The following SEPTIN6 variants were observed in gnomAD, a reference collection of about 807,000 sequenced individuals.
SEPTIN6 encodes the protein septin 6, also known as septin-6.
SEPTIN6 carries 8 observed loss-of-function variants against 33.6 expected under a neutral mutation model. The observed-to-expected ratio is 0.24, with a 90% CI of 0.14 to 0.43. The LOEUF is 0.43. Ranked by LOEUF, SEPTIN6 falls within the 20% of genes least tolerant of loss-of-function variation. The pLI is 1.00. For missense variants in SEPTIN6, 250 were observed against 340.8 expected (o/e 0.73, Z 2.10); for synonymous variants, 131 against 140.0 (o/e 0.94, Z 0.45).
chrX:119,687,202 T>G (rs2055069940), intron 1 of SEPTIN6, among the ~76,000 whole-genome samples: 1 of 109,743 alleles, frequency 9.1e-6, no homozygotes, highest in Non-Finnish European at 1.9e-5. Flanking sequence ...TGGCTTTCCT[T>G]CTTTCCTTCT....
intron 3 of SEPTIN6, among the ~76,000 whole-genome samples, chrX:119,660,809 CG>C (rs1465211751): frequency 1.0e-4 from 10 of 98,682 alleles, no homozygotes; most frequent in African/African-American, 3.6e-4. Context: ...CGGGGGTGAG[CG>C]GGGGGGATCA....
intron 4 of SEPTIN6, among the ~76,000 whole-genome samples, chrX:119,651,723 A>G (rs999191856): frequency 8.9e-6 from 1 of 112,414 alleles, no homozygotes; most frequent in Non-Finnish European, 1.9e-5. Flanking sequence ...TCAAAGGCTT[A>G]ACTCGGCCCA....
intron 1 of SEPTIN6, among the ~76,000 whole-genome samples, chrX:119,681,715 C>T (rs2054963890): frequency 8.9e-6 from 1 of 111,831 alleles, no homozygotes; most frequent in South Asian, 3.6e-4. Flanking sequence ...TATTATAAAA[C>T]AGAAAACAGA....
intron 1 of SEPTIN6, among the ~76,000 whole-genome samples, chrX:119,690,036 G>A (rs149091302): frequency 0.011 from 1,269 of 111,420 alleles, 20 homozygotes; most frequent in African/African-American, 0.038. Flanking sequence ...GTCCGATCAC[G>A]AACGTTTTTT....
At chrX:119,642,936 G>C (rs758816805) in intron 5 of SEPTIN6, among the ~76,000 whole-genome samples, 1 of 111,355 alleles carries the variant, frequency 9.0e-6, no homozygotes, top group Non-Finnish European at 1.9e-5. Context: ...ACATGGGAAA[G>C]AGGAGGTTAT....
chrX:119,620,674 C>T lies in SEPTIN6; in HGVS notation c.*42-623G>A, dbSNP rs751994585. Among the ~76,000 whole-genome samples, 6 of 107,950 alleles carry T rather than the reference C, an allele frequency of 5.6e-5. No individual in the cohort carries two copies. In the Admixed American group the frequency reaches 6.0e-4, roughly 11 times the overall value. 93.7% of individuals were successfully genotyped at this position (107,950 alleles called of 115,157 possible). A position where few individuals can be genotyped will look rare whatever the true frequency, so the allele number is the denominator to read the frequency against. Reference sequence around the variant, plus strand: ...TTGGTCTTTTGCCCAGGCTGGAGTGCAGTGGCCGTGATCTTGGCTCACTGC... The same window carrying T: ...TTGGTCTTTTGCCCAGGCTGGAGTGTAGTGGCCGTGATCTTGGCTCACTGC... On this transcript the variant is annotated intron_variant, in intron 10 of 10. Coordinates refer to ENST00000394610, the MANE Select transcript of SEPTIN6 (RefSeq NM_145799.4).
At chrX:119,686,478 G>C in intron 1 of SEPTIN6, 1 of 510,436 alleles carries the variant, frequency 2.0e-6, no homozygotes, top group Non-Finnish European at 2.9e-6. Context: ...TGGAAGGGCC[G>C]GCTGAGAGCG....
intron 2 of SEPTIN6, among the ~76,000 whole-genome samples, chrX:119,669,128 G>C (rs958848998): frequency 8.8e-6 from 1 of 113,101 alleles, no homozygotes; most frequent in African/African-American, 3.2e-5. Flanking sequence ...GAAGTAACTA[G>C]TCCAAGGTCA....
intron 2 of SEPTIN6, among the ~76,000 whole-genome samples, chrX:119,665,459 G>A (rs144016908): frequency 0.012 from 1,309 of 111,839 alleles, 10 homozygotes; most frequent in Non-Finnish European, 0.016. Context: ...ACTAGGCTGC[G>A]AGATACTAAT....
intron 8 of SEPTIN6, among the ~76,000 whole-genome samples, chrX:119,631,220 G>A (rs1246883280): frequency 1.1e-4 from 11 of 96,400 alleles, no homozygotes; most frequent in Non-Finnish European, 1.0e-4. Context: ...TCGCTCTGTC[G>A]CCCAAGCTGG....
At chrX:119,661,076 T>A (rs1603343304) in intron 3 of SEPTIN6, among the ~76,000 whole-genome samples, 1 of 91,007 alleles carries the variant, frequency 1.1e-5, no homozygotes, top group African/African-American at 4.1e-5. Flanking sequence ...AAAGCAGAGA[T>A]GTCTTTTTTC....
intron 3 of SEPTIN6, among the ~76,000 whole-genome samples, chrX:119,655,387 G>A (rs1257398304): frequency 9.0e-6 from 1 of 110,526 alleles, no homozygotes; most frequent in Non-Finnish European, 1.9e-5. Flanking sequence ...ATCTTCCCAC[G>A]GTGGCCACCT....
At chrX:119,626,580 G>A (rs756441381) in intron 9 of SEPTIN6, among the ~76,000 whole-genome samples, 2 of 111,913 alleles carry the variant, frequency 1.8e-5, no homozygotes, top group East Asian at 2.8e-4. Context: ...CTTTTTTCTG[G>A]CTAGTTGAAC....
chrX:119,665,998 C>T (rs1191442292), intron 2 of SEPTIN6, among the ~76,000 whole-genome samples: 3 of 108,256 alleles, frequency 2.8e-5, no homozygotes, highest in Non-Finnish European at 3.8e-5. Flanking sequence ...AGGAGAATGG[C>T]GTGAACCCAG....
chrX:119,622,167 G>A (rs1425108767), intron 10 of SEPTIN6, among the ~76,000 whole-genome samples: 1 of 111,808 alleles, frequency 8.9e-6, no homozygotes, highest in African/African-American at 3.2e-5. Flanking sequence ...AATGGCCTAT[G>A]TTCTAGGTTT....
chrX:119,653,812 G>A (rs1051109896), intron 3 of SEPTIN6, among the ~76,000 whole-genome samples: 2 of 111,960 alleles, frequency 1.8e-5, no homozygotes, highest in Non-Finnish European at 3.8e-5. Context: ...ATCATGGCTC[G>A]TAATCCCAGC....
Position 119,617,407 on chromosome X carries a change from CA to C in SEPTIN6, c.*2685del, listed in dbSNP as rs1304644532. The C allele has an allele frequency of 1.2e-6, 1 of 801,702 alleles. No individual in the cohort carries two copies. The highest frequency in any genetic ancestry group is 1.5e-6 in the Non-Finnish European group (1 of 669,586). 66.1% of individuals were successfully genotyped at this position (801,702 alleles called of 1,213,427 possible). On this transcript the variant is annotated 3_prime_UTR_variant, in exon 11 of 11. Coordinates refer to ENST00000394610, the MANE Select transcript of SEPTIN6 (RefSeq NM_145799.4). ...ACTCATGGGTTCGATTTTTGTTCACCAAACTTCCCTGATTATAAGGGTCACC... is the reference window on the plus strand; with the variant it reads ...ACTCATGGGTTCGATTTTTGTTCACCAACTTCCCTGATTATAAGGGTCACC...
intron 1 of SEPTIN6, 67 bp downstream of exon 1, chrX:119,693,009 C>T (rs1333308989): frequency 1.8e-6 from 2 of 1,088,844 alleles, no homozygotes; most frequent in African/African-American, 1.8e-5. Context: ...GTGGCGGCGG[C>T]GGCCAGGTCT....
chrX:119,692,582 A>G (rs1316509321), intron 1 of SEPTIN6, among the ~76,000 whole-genome samples: 1 of 111,787 alleles, frequency 8.9e-6, no homozygotes, highest in African/African-American at 3.2e-5. Flanking sequence ...TATCCCAGCC[A>G]GTCACCTCCC....
Sources: allele counts gnomAD v4.1 joint callset (sites outside exome capture counted in the v4.1 genomes callset), GRCh38; gene constraint gnomAD v4.1.1; transcripts MANE v1.5; gene names NCBI Gene and HGNC (gene_info 2026-07-23, HGNC 2026-07-21).